Variants in GPC5 observed in about 807,000 individuals in gnomAD.
The protein encoded by GPC5 is glypican-5.
Under a neutral mutation model 53.9 loss-of-function variants are expected in GPC5, and 47 were observed. The ratio of observed to expected loss-of-function variants is 0.87; its 90% confidence interval spans 0.69 to 1.11. The LOEUF is 1.11. GPC5 is among the 50% of genes most tolerant of loss of function. The pLI is 0.00. For synonymous variants in GPC5, 286 were observed against 263.3 expected (o/e 1.09, Z -0.84); for missense variants, 748 against 713.1 (o/e 1.05, Z -0.56).
At chr13:92,390,688 A>G (rs1189023285) in intron 7 of GPC5, among the ~76,000 whole-genome samples, 1 of 151,932 alleles carries the variant, frequency 6.6e-6, no homozygotes, top group East Asian at 1.9e-4. Flanking sequence ...TCTTGCCCTC[A>G]CTCACTTTTT....
chr13:92,625,647 T>C (rs758017466), intron 7 of GPC5, among the ~76,000 whole-genome samples: 1 of 152,204 alleles, frequency 6.6e-6, no homozygotes, highest in African/African-American at 2.4e-5. Context: ...TGGGAGGATA[T>C]TCTTAGTGAA....
chr13:92,579,228 A>G (rs1883285438), intron 7 of GPC5, among the ~76,000 whole-genome samples: 2 of 146,146 alleles, frequency 1.4e-5, no homozygotes, highest in South Asian at 4.5e-4. Flanking sequence ...TAACACATTA[A>G]CACATTTATG....
At chr13:92,095,314 T>C (rs1287535551) in intron 6 of GPC5, among the ~76,000 whole-genome samples, 3 of 152,114 alleles carry the variant, frequency 2.0e-5, no homozygotes, top group Non-Finnish European at 4.4e-5. Context: ...TTGCTTTCAA[T>C]TCTTTTTTCT....
At chr13:92,288,657 C>T (rs1249067838) in intron 7 of GPC5, among the ~76,000 whole-genome samples, 1 of 152,134 alleles carries the variant, frequency 6.6e-6, no homozygotes, top group Non-Finnish European at 1.5e-5. Context: ...AGTCTTGCCA[C>T]CAGAATAGAT....
At chr13:91,533,152 T>C (rs1886429036) in intron 2 of GPC5, among the ~76,000 whole-genome samples, 2 of 152,230 alleles carry the variant, frequency 1.3e-5, no homozygotes, top group South Asian at 4.1e-4. Context: ...GAAAACCATG[T>C]AGGCAGATTC....
At chr13:91,551,702 G>T (rs1163546061) in intron 2 of GPC5, among the ~76,000 whole-genome samples, 1 of 152,018 alleles carries the variant, frequency 6.6e-6, no homozygotes, top group Non-Finnish European at 1.5e-5. Flanking sequence ...TTTTCTGTTT[G>T]TTCTGCAGAG....
chr13:91,689,528 A>G (rs1225762029), intron 2 of GPC5, among the ~76,000 whole-genome samples: 1 of 151,286 alleles, frequency 6.6e-6, no homozygotes, highest in Non-Finnish European at 1.5e-5. Flanking sequence ...GATTTTTTGT[A>G]GTAACATTTA....
Position 91,425,911 on chromosome 13 carries a change from G to A in GPC5, c.164-22850G>A, listed in dbSNP as rs555207950. ...TGCTGATAGTGATGTGAACAAGGAAGTCTAGGCTAAGGTGGTCTTAGATGG... is the reference window on the plus strand; with the variant it reads ...TGCTGATAGTGATGTGAACAAGGAAATCTAGGCTAAGGTGGTCTTAGATGG... On this transcript the variant is annotated intron_variant, in intron 1 of 7. Coordinates refer to ENST00000377067, the MANE Select transcript of GPC5 (RefSeq NM_004466.6). Among the ~76,000 whole-genome samples, 209 of 152,278 alleles carry A rather than the reference G, an allele frequency of 1.4e-3. 2 individuals carry two copies. Among genetic ancestry groups the A allele is most frequent in the South Asian group, 7.5e-3 (36 of 4,822 alleles).
chr13:92,394,638 C>A (rs1875177940), intron 7 of GPC5, among the ~76,000 whole-genome samples: 1 of 152,166 alleles, frequency 6.6e-6, no homozygotes, highest in African/African-American at 2.4e-5. Flanking sequence ...GATAGCAGCA[C>A]AAACTAAGAT....
intron 2 of GPC5, among the ~76,000 whole-genome samples, chr13:91,620,252 T>C (rs1175355196): frequency 1.3e-5 from 2 of 152,236 alleles, no homozygotes; most frequent in African/African-American, 4.8e-5. Context: ...CTAAATATGA[T>C]AGTACTGTTT....
intron 7 of GPC5, among the ~76,000 whole-genome samples, chr13:92,473,951 G>T (rs1198511353): frequency 6.6e-6 from 1 of 152,070 alleles, no homozygotes; most frequent in Non-Finnish European, 1.5e-5. Context: ...AAAGTATTGG[G>T]TTTGCCTTTG....
intron 2 of GPC5, among the ~76,000 whole-genome samples, chr13:91,556,661 G>A (rs2030973888): frequency 6.6e-6 from 1 of 151,512 alleles, no homozygotes; most frequent in Non-Finnish European, 1.5e-5. Flanking sequence ...CAAAATGATG[G>A]CATTCACAGC....
intron 2 of GPC5, among the ~76,000 whole-genome samples, chr13:91,541,494 C>T (rs938242407): frequency 6.6e-6 from 1 of 152,066 alleles, no homozygotes; most frequent in Non-Finnish European, 1.5e-5. Flanking sequence ...AAGTAAGTGC[C>T]AATACCACAT....
At chr13:92,703,868 C>T (rs1235966505) in intron 7 of GPC5, among the ~76,000 whole-genome samples, 1 of 151,846 alleles carries the variant, frequency 6.6e-6, no homozygotes, top group Non-Finnish European at 1.5e-5. Flanking sequence ...TAAAATTTTA[C>T]ACACATGGGA....
chr13:92,767,575 G>A (rs991900412), intron 7 of GPC5, among the ~76,000 whole-genome samples: 8 of 152,184 alleles, frequency 5.3e-5, no homozygotes, highest in African/African-American at 1.7e-4. Context: ...TCTTCAAGAT[G>A]TGATAACTTC....
chr13:92,481,841 T>A (rs1223351717), intron 7 of GPC5, among the ~76,000 whole-genome samples: 1 of 151,932 alleles, frequency 6.6e-6, no homozygotes, highest in African/African-American at 2.4e-5. Context: ...TAAAAAGACA[T>A]TCTGTGGCTG....
intron 7 of GPC5, among the ~76,000 whole-genome samples, chr13:92,547,492 A>T (rs1253880019): frequency 6.6e-6 from 1 of 152,194 alleles, no homozygotes; most frequent in Admixed American, 6.5e-5. Flanking sequence ...TCAGTGACTC[A>T]TTGGAAAAGC....
chr13:92,056,146 TA>T (rs1447642124), intron 6 of GPC5, among the ~76,000 whole-genome samples: 4 of 152,160 alleles, frequency 2.6e-5, no homozygotes, highest in African/African-American at 7.2e-5. Flanking sequence ...CTTATGGGGC[TA>T]AAATGAAAGG....
intron 7 of GPC5, among the ~76,000 whole-genome samples, chr13:92,332,463 A>T (rs1414700170): frequency 2.0e-5 from 3 of 152,182 alleles, no homozygotes; most frequent in Admixed American, 1.3e-4. Context: ...TTTAATACTA[A>T]TATAGCCTAT....
Sources: gnomAD v4.1 joint callset for allele counts (sites outside exome capture counted in the v4.1 genomes callset) on GRCh38, gnomAD v4.1.1 for gene constraint, MANE v1.5 for transcripts, NCBI Gene and HGNC (gene_info 2026-07-23, HGNC 2026-07-21) for gene names.